The following FANCC variants were observed in gnomAD, a reference collection of about 807,000 sequenced individuals.
FANCC encodes Fanconi anemia group C protein.
FANCC carries 55 observed loss-of-function variants against 71.3 expected under a neutral mutation model. That is an observed-to-expected ratio of 0.77 (90% CI 0.62 to 0.97). The LOEUF is 0.97. Among genes scored for constraint, FANCC ranks in the 50% least tolerant of loss-of-function variants. The pLI, the probability that FANCC is intolerant of heterozygous loss-of-function variation, is 0.00. For synonymous variants in FANCC, 275 were observed against 244.9 expected (o/e 1.12, Z -1.15); for missense variants, 678 against 670.9 (o/e 1.01, Z -0.12).
At chr9:95,128,682 T>C (rs528436143) in intron 8 of FANCC, among the ~76,000 whole-genome samples, 2 of 152,352 alleles carry the variant, frequency 1.3e-5, no homozygotes, top group African/African-American at 4.8e-5. Flanking sequence ...GCAAAATCGC[T>C]CAATCCAATG....
intron 1 of FANCC, among the ~76,000 whole-genome samples, chr9:95,305,702 T>C (rs950357090): frequency 7.9e-5 from 12 of 152,194 alleles, no homozygotes; most frequent in African/African-American, 2.7e-4. Flanking sequence ...TTTGCATTCC[T>C]ACAATTCAAA....
At chr9:95,191,468 A>G (rs1362521997) in intron 4 of FANCC, among the ~76,000 whole-genome samples, 6 of 151,126 alleles carry the variant, frequency 4.0e-5, no homozygotes, top group African/African-American at 7.3e-5. Context: ...CTGGAATTAC[A>G]GGCATGGGCT....
At chr9:95,189,466 T>C (rs1826944804) in intron 4 of FANCC, among the ~76,000 whole-genome samples, 1 of 152,074 alleles carries the variant, frequency 6.6e-6, no homozygotes, top group African/African-American at 2.4e-5. Context: ...GGTCCAACCA[T>C]AACAAAGTCT....
At chr9:95,276,945 C>T (rs1186359402) in intron 1 of FANCC, among the ~76,000 whole-genome samples, 5 of 152,148 alleles carry the variant, frequency 3.3e-5, no homozygotes, top group Non-Finnish European at 7.3e-5. Context: ...AATTTGGAAA[C>T]AAAAAACATC....
chr9:95,161,610 T>C (rs1021934615), intron 6 of FANCC, among the ~76,000 whole-genome samples: 55 of 152,192 alleles, frequency 3.6e-4, no homozygotes, highest in African/African-American at 1.3e-3. Flanking sequence ...GAAAAGCTCA[T>C]AGACCAGTTT....
chr9:95,237,189 A>C (rs1425191835), intron 4 of FANCC, among the ~76,000 whole-genome samples: 1 of 152,190 alleles, frequency 6.6e-6, no homozygotes, highest in Non-Finnish European at 1.5e-5. Context: ...CTGAGGAAGG[A>C]AACTGTTTTC....
At chr9:95,167,199 T>C (rs1438145849) in intron 6 of FANCC, among the ~76,000 whole-genome samples, 3 of 152,196 alleles carry the variant, frequency 2.0e-5, no homozygotes, top group Non-Finnish European at 4.4e-5. Flanking sequence ...TTCTGGAACC[T>C]TCCTTGTACA....
At position 95,111,534 on chromosome 9, in the gene FANCC, TG is replaced by T. The variant is rs765551897; in HGVS notation, c.1257del (p.Thr420ArgfsTer27). The T allele has an allele frequency of 6.2e-7, 1 of 1,614,054 alleles. No homozygotes were observed. The highest frequency in any genetic ancestry group is 8.5e-7 in the Non-Finnish European group (1 of 1,180,020). Reference protein sequence around the residue: ...EQLLMSAAEPPTALLWLLAFY... With the variant: ...EQLLMSAAEPXTALLWLLAFY... ...AAGGCCAAGAGCCACAGCAGGGCCGTGGGGGGTTCGGCTGCCGACATCAGTA... is the reference window on the plus strand; with the variant it reads ...AAGGCCAAGAGCCACAGCAGGGCCGTGGGGGTTCGGCTGCCGACATCAGTA... On this transcript the variant is annotated frameshift_variant, in exon 13 of 15. Coordinates refer to ENST00000289081, the MANE Select transcript of FANCC (RefSeq NM_000136.3). LOFTEE classifies it high-confidence loss of function.
At chr9:95,105,163 G>A (rs995475872) in intron 14 of FANCC, among the ~76,000 whole-genome samples, 1 of 152,212 alleles carries the variant, frequency 6.6e-6, no homozygotes, top group African/African-American at 2.4e-5. Flanking sequence ...TGAGACACCA[G>A]CACCTGGGAG....
chr9:95,127,752 T>C (rs1168523289), intron 8 of FANCC, among the ~76,000 whole-genome samples: 2 of 152,228 alleles, frequency 1.3e-5, no homozygotes, highest in Non-Finnish European at 2.9e-5. Flanking sequence ...GGCCGTGCCC[T>C]GGATCACACT....
intron 4 of FANCC, among the ~76,000 whole-genome samples, chr9:95,190,752 T>C (rs1366611416): frequency 1.3e-5 from 2 of 152,254 alleles, no homozygotes; most frequent in Admixed American, 6.5e-5. Context: ...CTACACATTT[T>C]TCTTTTCATC....
chr9:95,147,808 G>A (rs1362234928), intron 7 of FANCC, among the ~76,000 whole-genome samples: 1 of 152,148 alleles, frequency 6.6e-6, no homozygotes, highest in Admixed American at 6.5e-5. Flanking sequence ...AAATTAATAT[G>A]TCACCAAGAG....
intron 1 of FANCC, among the ~76,000 whole-genome samples, chr9:95,272,653 C>T (rs958230284): frequency 9.2e-5 from 14 of 152,218 alleles, no homozygotes; most frequent in African/African-American, 3.1e-4. Context: ...TGGGAGATCA[C>T]GCCACTGCCC....
intron 4 of FANCC, among the ~76,000 whole-genome samples, chr9:95,181,159 T>TTGTGTGTG (rs10692344): frequency 1.2e-3 from 182 of 148,436 alleles, no homozygotes; most frequent in South Asian, 6.8e-3. Context: ...CACGTACACA[T>TTGTGTGTG]TGTGTGTGTG....
intron 1 of FANCC, among the ~76,000 whole-genome samples, chr9:95,308,450 G>GTT (rs11458371): frequency 9.2e-5 from 14 of 151,502 alleles, no homozygotes; most frequent in East Asian, 3.9e-4. Context: ...CACCCGGCTA[G>GTT]TTTTTTTTGT....
intron 1 of FANCC, among the ~76,000 whole-genome samples, chr9:95,279,677 G>A (rs553405254): frequency 5.2e-4 from 79 of 152,254 alleles, no homozygotes; most frequent in African/African-American, 1.9e-3. Flanking sequence ...GCTGGACACG[G>A]TGGCTCACAC....
At chr9:95,250,262 C>G (rs1293163445) in intron 1 of FANCC, among the ~76,000 whole-genome samples, 1 of 152,196 alleles carries the variant, frequency 6.6e-6, no homozygotes, top group African/African-American at 2.4e-5. Context: ...GGCTCTGACA[C>G]TCCCCAGGGC....
chr9:95,289,868 A>G (rs563495781), intron 1 of FANCC, among the ~76,000 whole-genome samples: 1 of 152,278 alleles, frequency 6.6e-6, no homozygotes, highest in Admixed American at 6.5e-5. Flanking sequence ...TATGTTGCCC[A>G]GGCTGGTCTC....
At chr9:95,169,652 T>TTAA (rs1394379933) in intron 6 of FANCC, among the ~76,000 whole-genome samples, 2 of 152,224 alleles carry the variant, frequency 1.3e-5, no homozygotes, top group African/African-American at 4.8e-5. Context: ...ATGAAACAGA[T>TTAA]TGTTTAATCA....
Sources: gnomAD v4.1 joint callset for allele counts (sites outside exome capture counted in the v4.1 genomes callset) on GRCh38, gnomAD v4.1.1 for gene constraint, MANE v1.5 for transcripts, NCBI Gene and HGNC (gene_info 2026-07-23, HGNC 2026-07-21) for gene names.